ECM2: variants seen among roughly 807,000 people sequenced by gnomAD.
ECM2 encodes extracellular matrix protein 2, female organ and adipocyte specific.
A neutral mutation model predicts 67.5 loss-of-function variants in ECM2; 57 were observed. The ratio of observed to expected loss-of-function variants is 0.84; its 90% confidence interval spans 0.68 to 1.05. The LOEUF is 1.05. ECM2 is among the 50% of genes least tolerant of loss of function. ECM2 has a pLI of 0.00. For missense variants in ECM2, 741 were observed against 822.8 expected, an observed-to-expected ratio of 0.90 and a Z score of 1.22; for synonymous variants, 258 against 294.5, an observed-to-expected ratio of 0.88 and a Z score of 1.27.
At chr9:92,511,956 T>C in intron 5 of ECM2, 55 bp downstream of exon 5, 1 of 1,357,324 alleles carries the variant, frequency 7.4e-7, no homozygotes, top group Non-Finnish European at 1.0e-6. Flanking sequence ...CTCCAACCAA[T>C]GCAAGTCATA....
intron 1 of ECM2, among the ~76,000 whole-genome samples, chr9:92,528,776 G>A (rs570421208): frequency 3.4e-4 from 52 of 152,258 alleles, no homozygotes; most frequent in African/African-American, 9.1e-4. Context: ...ATTAAACTGC[G>A]TACAATAACT....
At chr9:92,533,303 CAAAAAAAAAAAAAAAA>C (rs1174584000) in intron 1 of ECM2, among the ~76,000 whole-genome samples, 9 of 29,884 alleles carry the variant, frequency 3.0e-4, no homozygotes, top group African/African-American at 1.2e-3. Flanking sequence ...CGGTCTCAAA[CAAAAAAAAAAAAAAAA>C]AAAAAAAAAA....
intron 8 of ECM2, 84 bp downstream of exon 8, chr9:92,502,428 TC>T: frequency 6.6e-7 from 1 of 1,506,256 alleles, no homozygotes; most frequent in Non-Finnish European, 9.1e-7. Context: ...CCCTCACTTA[TC>T]CCATTCCCAG....
upstream of ECM2, among the ~76,000 whole-genome samples, chr9:92,537,644 A>C (rs1390046039): frequency 6.6e-6 from 1 of 152,176 alleles, no homozygotes; most frequent in African/African-American, 2.4e-5. Context: ...TGGGCAACAG[A>C]GCGAGACTAC....
chr9:92,555,213 A>AT, the ECM2 span, among the ~76,000 whole-genome samples: 26 of 110,060 alleles, frequency 2.4e-4, no homozygotes, highest in East Asian at 1.9e-3. Context: ...TTTTTTTGGA[A>AT]ATTTTTTTTT....
intron 9 of ECM2, among the ~76,000 whole-genome samples, chr9:92,500,504 A>C (rs1846606192): frequency 6.6e-6 from 1 of 152,206 alleles, no homozygotes. Context: ...TAACTATGGA[A>C]ATTTATAAAC....
At position 92,496,363 on chromosome 9, in the gene ECM2, G is replaced by A. The variant is rs1372174472; in HGVS notation, c.2052C>T (p.Cys684=). The change falls in exon 10 of 10, where the codon TGC becomes TGT. Residue 684 remains cysteine, a synonymous_variant. Transcript: ENST00000344604. ...IREIPSYTFS[C]IRSYSSIVLK... is the part of the protein sequence containing the mutation. ...GAACGATACTTGAGTATGATCTTAT[G>A]CATGAAAATGTGTAAGATGGTATTT... is the stretch of plus-strand genomic sequence containing the variant. 1 of 1,604,868 alleles carries A rather than the reference G, an allele frequency of 6.2e-7. No homozygotes were observed. Among genetic ancestry groups the A allele is most frequent in the Non-Finnish European group, 8.5e-7 (1 of 1,176,824 alleles).
chr9:92,551,328 A>G, the ECM2 span, among the ~76,000 whole-genome samples: 1 of 152,076 alleles, frequency 6.6e-6, no homozygotes, highest in South Asian at 2.1e-4. Context: ...TACTTCCCCA[A>G]AATGACGTCT....
chr9:92,511,212 G>A (rs564221514), intron 5 of ECM2, among the ~76,000 whole-genome samples: 110 of 152,040 alleles, frequency 7.2e-4, no homozygotes, highest in African/African-American at 2.6e-3. Context: ...TGCAACCTCC[G>A]CCTCCCGAAT....
intron 1 of ECM2, among the ~76,000 whole-genome samples, chr9:92,523,742 C>G (rs548850796): frequency 1.3e-5 from 2 of 152,282 alleles, no homozygotes; most frequent in East Asian, 1.9e-4. Context: ...TAACTAGGAG[C>G]CTGTACGTCT....
chr9:92,506,053 C>T (rs1846987498), intron 6 of ECM2, among the ~76,000 whole-genome samples: 1 of 152,036 alleles, frequency 6.6e-6, no homozygotes, highest in Non-Finnish European at 1.5e-5. Context: ...ATTTGGAATT[C>T]AGGTAGGAAA....
At chr9:92,555,929 G>C in the ECM2 span, among the ~76,000 whole-genome samples, 1 of 151,836 alleles carries the variant, frequency 6.6e-6, no homozygotes, top group Non-Finnish European at 1.5e-5. Flanking sequence ...CCTTTCTTCT[G>C]CTGGGTCTGT....
the ECM2 span, among the ~76,000 whole-genome samples, chr9:92,541,946 G>A: frequency 1.3e-5 from 2 of 151,912 alleles, no homozygotes; most frequent in East Asian, 1.9e-4. Flanking sequence ...AGCATCCGCC[G>A]CCGCACCCAG....
the ECM2 span, among the ~76,000 whole-genome samples, chr9:92,554,927 C>T: frequency 2.0e-3 from 306 of 152,276 alleles, no homozygotes; most frequent in African/African-American, 4.5e-3. Context: ...TGAGCCACTG[C>T]GCCTGGCCTT....
chr9:92,536,264 C>T (rs7862383), upstream of ECM2, among the ~76,000 whole-genome samples: 1 of 151,842 alleles, frequency 6.6e-6, no homozygotes, highest in Non-Finnish European at 1.5e-5. Context: ...GTTGGAAACA[C>T]AAAAATGAGC....
At chr9:92,533,580 CT>C (rs1390528889) in intron 1 of ECM2, among the ~76,000 whole-genome samples, 1 of 151,684 alleles carries the variant, frequency 6.6e-6, no homozygotes, top group African/African-American at 2.4e-5. Context: ...TTTTCTCACC[CT>C]TTCTAGTTAT....
chr9:92,513,992 T>C (rs1425472971), intron 4 of ECM2, among the ~76,000 whole-genome samples: 1 of 152,230 alleles, frequency 6.6e-6, no homozygotes, highest in Non-Finnish European at 1.5e-5. Flanking sequence ...TATACCTAAC[T>C]GCTATTCTGC....
the ECM2 span, among the ~76,000 whole-genome samples, chr9:92,556,981 C>G: frequency 6.6e-6 from 1 of 152,142 alleles, no homozygotes; most frequent in South Asian, 2.1e-4. Flanking sequence ...GGATTTGTTT[C>G]AAGATTTAGA....
upstream of ECM2, chr9:92,536,172 TA>T (rs149018559): frequency 0.045 from 16,690 of 373,538 alleles, 509 homozygotes; most frequent in South Asian, 0.086. Flanking sequence ...CCAAGGGAAA[TA>T]TTTTTTTTAA....
Sources: gnomAD v4.1 joint callset for allele counts (sites outside exome capture counted in the v4.1 genomes callset) on GRCh38, gnomAD v4.1.1 for gene constraint, MANE v1.5 for transcripts, NCBI Gene and HGNC (gene_info 2026-07-23, HGNC 2026-07-21) for gene names.